UBR2: variants seen among roughly 807,000 people sequenced by gnomAD.
UBR2 encodes ubiquitin protein ligase E3 component n-recognin 2.
In UBR2, 92 loss-of-function variants were observed where a neutral mutation model predicts 247.9. The ratio of observed to expected loss-of-function variants is 0.37; its 90% CI spans 0.31 to 0.44. The LOEUF is 0.44. Among genes scored for constraint, UBR2 ranks in the 20% least tolerant of loss-of-function variants. UBR2 has a pLI of 1.00. For missense variants in UBR2, 1,613 were observed against 2,112.6 expected (o/e 0.76, Z 4.64); for synonymous variants, 672 against 693.5 (o/e 0.97, Z 0.49).
intron 2 of UBR2, among the ~76,000 whole-genome samples, 186 bp from the exon 3 acceptor site, chr6:42,591,965 C>T (rs574662765): frequency 5.9e-5 from 9 of 152,184 alleles, no homozygotes; most frequent in Non-Finnish European, 8.8e-5. Context: ...TATGGAGACG[C>T]AGGTCCTTAA....
At chr6:42,618,774 G>C (rs1041144054) in intron 11 of UBR2, among the ~76,000 whole-genome samples, 5 of 152,174 alleles carry the variant, frequency 3.3e-5, no homozygotes, top group African/African-American at 1.2e-4. Context: ...TGCTGAAAGT[G>C]GATATGAATC....
At chr6:42,644,424 A>G in intron 19 of UBR2, 49 bp from the exon 20 acceptor site, 1 of 1,602,918 alleles carries the variant, frequency 6.2e-7, no homozygotes, top group Non-Finnish European at 8.5e-7. Flanking sequence ...GAGATTATGC[A>G]ATATGCATAT....
chr6:42,628,704 CAG>C (rs1190085971), intron 11 of UBR2, among the ~76,000 whole-genome samples: 3 of 126,608 alleles, frequency 2.4e-5, no homozygotes, highest in Admixed American at 1.9e-4. Context: ...GCCTGAGCGA[CAG>C]AGTGAGGCTC....
At chr6:42,652,740 A>C (rs949777763) in intron 25 of UBR2, 95 bp downstream of exon 25, 19 of 1,160,788 alleles carry the variant, frequency 1.6e-5, no homozygotes, top group Admixed American at 2.9e-5. Context: ...ACTAGGCCGA[A>C]ATGTATTGTG....
At chr6:42,623,338 T>C (rs893835793) in intron 11 of UBR2, among the ~76,000 whole-genome samples, 3 of 152,160 alleles carry the variant, frequency 2.0e-5, no homozygotes, top group Non-Finnish European at 4.4e-5. Context: ...AGCCTTGTGA[T>C]GTTGCCCAGC....
intron 13 of UBR2, among the ~76,000 whole-genome samples, 167 bp downstream of exon 13, chr6:42,633,071 C>T (rs1322601536): frequency 6.7e-6 from 1 of 149,516 alleles, no homozygotes; most frequent in Non-Finnish European, 1.5e-5. Context: ...GTGTACTATA[C>T]CTTTGAACTC....
chr6:42,596,365 T>C lies in UBR2; in HGVS notation c.531+2061T>C, dbSNP rs115857530. Among the ~76,000 whole-genome samples, 607 of 151,796 alleles carry C rather than the reference T, an allele frequency of 4.0e-3. 1 individual carries two copies. The highest frequency in any genetic ancestry group is 0.014 in the African/African-American group (564 of 41,370). ...GTAATAACAAGTATTGACAAGGATA[T>C]AGAGAAATTAGAACCCTTGTATATT... is the stretch of plus-strand genomic sequence containing the variant. On this transcript the variant is annotated intron_variant, in intron 4 of 46. Coordinates refer to ENST00000372901, the MANE Select transcript of UBR2 (RefSeq NM_001363705.2).
intron 16 of UBR2, 150 bp from the exon 17 acceptor site, chr6:42,641,432 A>G: frequency 2.0e-6 from 1 of 506,266 alleles, no homozygotes; most frequent in South Asian, 2.7e-5. Context: ...TGGGTGACAG[A>G]GTGAGACTCT....
intron 45 of UBR2, 144 bp downstream of exon 45, chr6:42,688,530 C>T (rs1799575221): frequency 1.0e-5 from 9 of 865,352 alleles, no homozygotes; most frequent in Middle Eastern, 3.5e-4. Flanking sequence ...TCCTTGTCGC[C>T]TCACATCTCA....
Position 42,688,378 on chromosome 6 carries a change from C to A in UBR2, c.5016C>A (p.Ile1672=), listed in dbSNP as rs373836862. 27 of 1,612,934 alleles carry A rather than the reference C, an allele frequency of 1.7e-5. No individual in the cohort carries two copies. Among genetic ancestry groups the A allele is most frequent in the Non-Finnish European group, 2.2e-5 (26 of 1,180,012 alleles). ...ACTCCTGTGGCTCTGGAGTGGGCAT[C>A]TTCCTGAGGTAAGGACCTGCAGGGG... ...HTYSCGSGVG[I]FLRVRECQVL... is the part of the protein sequence containing the mutation. The change falls in exon 45 of 47, where the codon ATC becomes ATA. Residue 1672 remains isoleucine, a synonymous_variant. Coordinates refer to ENST00000372901, the MANE Select transcript of UBR2 (RefSeq NM_001363705.2).
chr6:42,651,787 C>T (rs76561639), intron 23 of UBR2, among the ~76,000 whole-genome samples: 2,776 of 152,076 alleles, frequency 0.018, 89 homozygotes, highest in African/African-American at 0.064. Context: ...TGCCACGCCC[C>T]GGCCTCTGTT....
intron 2 of UBR2, among the ~76,000 whole-genome samples, chr6:42,577,808 T>C (rs114607887): frequency 0.022 from 3,318 of 152,114 alleles, 111 homozygotes; most frequent in African/African-American, 0.075. Context: ...GAAATTGGCA[T>C]TGGGGGCGGG....
chr6:42,571,242 C>CAAAAAAAAAAAAAA (rs774925925), intron 1 of UBR2, among the ~76,000 whole-genome samples: 1 of 39,136 alleles, frequency 2.6e-5, no homozygotes, highest in Non-Finnish European at 4.8e-5. Context: ...GACTCCGTCT[C>CAAAAAAAAAAAAAA]AAAAAAAAAA....
chr6:42,687,280 G>A (rs1799490837), intron 44 of UBR2, among the ~76,000 whole-genome samples: 1 of 152,222 alleles, frequency 6.6e-6, no homozygotes. Context: ...GTCAGGAGCT[G>A]GAGACCAGCC....
At chr6:42,651,896 G>T in intron 23 of UBR2, 127 bp from the exon 24 acceptor site, 1 of 796,954 alleles carries the variant, frequency 1.3e-6, no homozygotes, top group Non-Finnish European at 2.0e-6. Flanking sequence ...CAGATCACAA[G>T]GTCAGGAGTT....
At chr6:42,605,881 A>T in intron 6 of UBR2, 22 bp downstream of exon 6, 1 of 1,590,258 alleles carries the variant, frequency 6.3e-7, no homozygotes, top group Non-Finnish European at 8.5e-7. Flanking sequence ...TACCATGTTG[A>T]TAATAAATTG....
At chr6:42,676,030 T>G in intron 38 of UBR2, 26 bp from the exon 39 acceptor site, 1 of 1,592,594 alleles carries the variant, frequency 6.3e-7, no homozygotes, top group South Asian at 1.1e-5. Context: ...AGGCGATCTG[T>G]CTGATGTCCT....
intron 39 of UBR2, 46 bp from the exon 40 acceptor site, chr6:42,676,737 C>T: frequency 6.9e-7 from 1 of 1,445,138 alleles, no homozygotes. Flanking sequence ...CTTTTGATAA[C>T]ACTTAATTGG....
chr6:42,584,093 G>C lies in UBR2; in HGVS notation c.339-8058G>C, dbSNP rs570728941. ...GCTCACCGCAATCTCCGCCTACTGG[G>C]TTCGAGCAATTCTCCCGCCTCAGCC... On this transcript the variant is annotated intron_variant, in intron 2 of 46. Transcript: ENST00000372901. Among the ~76,000 whole-genome samples the C allele has an allele frequency of 2.6e-5, 4 of 151,558 alleles. No individual in the cohort carries two copies. The East Asian group carries it at 7.8e-4, about 29-fold the overall frequency.
Sources: allele counts gnomAD v4.1 joint callset (sites outside exome capture counted in the v4.1 genomes callset), GRCh38; gene constraint gnomAD v4.1.1; transcripts MANE v1.5; gene names NCBI Gene and HGNC (gene_info 2026-07-23, HGNC 2026-07-21).